CFHR4: variants seen among roughly 807,000 people sequenced by gnomAD.
The protein encoded by CFHR4 is complement factor H-related protein 4.
A neutral mutation model predicts 69.3 loss-of-function variants in CFHR4; 64 were observed. The ratio of observed to expected loss-of-function variants is 0.92; its 90% CI spans 0.76 to 1.14. CFHR4 has a LOEUF of 1.14. CFHR4 is among the 50% of genes most tolerant of loss of function. The pLI is 0.00. For missense variants in CFHR4, 636 were observed against 684.9 expected (o/e 0.93, Z 0.80); for synonymous variants, 244 against 237.0 (o/e 1.03, Z -0.27).
At chr1:196,891,316 T>C (rs1277076753) in intron 1 of CFHR4, among the ~76,000 whole-genome samples, 2 of 151,470 alleles carry the variant, frequency 1.3e-5, no homozygotes, top group Non-Finnish European at 2.9e-5. Context: ...GGACTAAATA[T>C]CCTGCAATCA....
intron 1 of CFHR4, among the ~76,000 whole-genome samples, chr1:196,893,307 T>A (rs374828332): frequency 6.6e-6 from 1 of 151,592 alleles, no homozygotes; most frequent in African/African-American, 2.4e-5. Context: ...ATGAGGACTG[T>A]CACAGTCAGT....
chr1:196,888,305 T>C (rs939287260), intron 1 of CFHR4, 97 bp downstream of exon 1: 7 of 1,217,948 alleles, frequency 5.7e-6, no homozygotes, highest in Non-Finnish European at 8.4e-6. Flanking sequence ...ATAAATCTGA[T>C]AGGATATATT....
chr1:196,916,231 A>G (rs115543522), intron 9 of CFHR4, among the ~76,000 whole-genome samples: 3,165 of 151,604 alleles, frequency 0.021, 172 homozygotes, highest in African/African-American at 0.071. Flanking sequence ...AATTATGGCA[A>G]CAACAAGAAA....
At chr1:196,891,501 C>T (rs964856399) in intron 1 of CFHR4, among the ~76,000 whole-genome samples, 1 of 151,304 alleles carries the variant, frequency 6.6e-6, no homozygotes, top group Non-Finnish European at 1.5e-5. Context: ...CTAGCAAACG[C>T]CTCCCAGAAA....
At chr1:196,903,970 T>C (rs1318845187) in intron 2 of CFHR4, among the ~76,000 whole-genome samples, 1 of 151,592 alleles carries the variant, frequency 6.6e-6, no homozygotes, top group Non-Finnish European at 1.5e-5. Context: ...TCTCTGAAAG[T>C]TGTTTGTGTG....
rs1186378315 is a variant in CFHR4 at position 196,918,257 on chromosome 1, T to C, written c.1588T>C (p.Leu530=). 5 of 1,607,322 alleles carry C rather than the reference T, an allele frequency of 3.1e-6. No individual in the cohort carries two copies. Among genetic ancestry groups the C allele is most frequent in the Non-Finnish European group, 4.3e-6 (5 of 1,175,468 alleles). ...EENMNKNNIQ[L]KGKSDIKYYA... is the part of the protein sequence containing the mutation. ...AAACATGAATAAAAATAACATACAG[T>C]TAAAAGGAAAAAGTGACATAAAATA... is the stretch of plus-strand genomic sequence containing the variant. Residue 530 remains leucine, a synonymous_variant, in exon 10 of 10, where the codon TTA becomes CTA. Transcript: ENST00000608469.
intron 1 of CFHR4, among the ~76,000 whole-genome samples, chr1:196,894,636 G>A (rs1313720431): frequency 2.0e-5 from 3 of 151,302 alleles, no homozygotes; most frequent in Non-Finnish European, 4.4e-5. Context: ...TTGGCCCAAT[G>A]CCTCTGGCCT....
chr1:196,915,757 T>G (rs1571455189), intron 9 of CFHR4, among the ~76,000 whole-genome samples: 1 of 150,844 alleles, frequency 6.6e-6, no homozygotes, highest in Non-Finnish European at 1.5e-5. Flanking sequence ...ATACAATGAG[T>G]CTTCAAGAAT....
Position 196,905,211 on chromosome 1 carries a change from A to G in CFHR4, c.360A>G (p.Gly120=). Residue 120 remains glycine, a synonymous_variant, in exon 3 of 10, where the codon GGA becomes GGG. Coordinates refer to ENST00000608469, the MANE Select transcript of CFHR4 (RefSeq NM_001201550.3). ...AAACACAATATAATTGTAAACCAGG[A>G]TATGCAACAGCAGAGGGAAATTCTT... ...NEETQYNCKP[G]YATAEGNSSG... 1 of 1,611,546 alleles carries G rather than the reference A, an allele frequency of 6.2e-7. No individual in the cohort carries two copies. The highest frequency in any genetic ancestry group is 8.5e-7 in the Non-Finnish European group (1 of 1,178,928).
At chr1:196,896,891 A>G (rs1657326676) in intron 1 of CFHR4, among the ~76,000 whole-genome samples, 1 of 151,380 alleles carries the variant, frequency 6.6e-6, no homozygotes. Flanking sequence ...TAATGAATTT[A>G]ATCTTTTTTA....
At chr1:196,914,243 G>T (rs1658447058) in intron 7 of CFHR4, among the ~76,000 whole-genome samples, 1 of 151,268 alleles carries the variant, frequency 6.6e-6, no homozygotes, top group South Asian at 2.1e-4. Context: ...ATAAAAATAG[G>T]TCTGACCAAA....
chr1:196,917,418 TA>T (rs1289500381), intron 9 of CFHR4, among the ~76,000 whole-genome samples: 1,584 of 151,282 alleles, frequency 0.01, 46 homozygotes, highest in African/African-American at 0.036. Flanking sequence ...CCCTGGAACT[TA>T]AAAAAAAATT....
At chr1:196,905,051 T>A (rs576409734) in intron 2 of CFHR4, 57 bp from the exon 3 acceptor site, 2 of 1,410,630 alleles carry the variant, frequency 1.4e-6, no homozygotes, top group Non-Finnish European at 1.9e-6. Context: ...CTTGTTCCCT[T>A]CTATAAAAGA....
At chr1:196,906,826 A>G in intron 3 of CFHR4, 35 bp from the exon 4 acceptor site, 1 of 1,587,458 alleles carries the variant, frequency 6.3e-7, no homozygotes, top group Non-Finnish European at 8.6e-7. Context: ...ATCATATGGC[A>G]TAGAAAAGCA....
At chr1:196,913,548 G>A (rs1398440503) in intron 7 of CFHR4, among the ~76,000 whole-genome samples, 2 of 151,386 alleles carry the variant, frequency 1.3e-5, no homozygotes, top group East Asian at 1.9e-4. Context: ...GAACATGCTC[G>A]ACCTTTACTT....
At chr1:196,891,804 T>C (rs541979215) in intron 1 of CFHR4, among the ~76,000 whole-genome samples, 6 of 151,346 alleles carry the variant, frequency 4.0e-5, no homozygotes, top group Admixed American at 4.0e-4. Flanking sequence ...CATATACATA[T>C]ATAAATATAC....
chr1:196,895,369 T>C (rs1291401131), intron 1 of CFHR4, among the ~76,000 whole-genome samples: 4 of 151,664 alleles, frequency 2.6e-5, no homozygotes, highest in African/African-American at 7.3e-5. Context: ...AAACATTCTC[T>C]ATTCATCTTT....
chr1:196,908,980 T>C (rs530445191), intron 5 of CFHR4, among the ~76,000 whole-genome samples: 14 of 151,680 alleles, frequency 9.2e-5, no homozygotes, highest in Admixed American at 7.2e-4. Context: ...TATCCACTTC[T>C]GTAGATGATC....
At chr1:196,891,407 A>G (rs1657027548) in intron 1 of CFHR4, among the ~76,000 whole-genome samples, 1 of 151,458 alleles carries the variant, frequency 6.6e-6, no homozygotes, top group Admixed American at 6.6e-5. Context: ...ACACTCAGCA[A>G]AAAACTGTGC....
Sources: allele counts gnomAD v4.1 joint callset (sites outside exome capture counted in the v4.1 genomes callset), GRCh38; gene constraint gnomAD v4.1.1; transcripts MANE v1.5; gene names NCBI Gene and HGNC (gene_info 2026-07-23, HGNC 2026-07-21).